Variants in ADAMTS16 observed in about 807,000 individuals in gnomAD.
The protein encoded by ADAMTS16 is A disintegrin and metalloproteinase with thrombospondin motifs 16.
A neutral mutation model predicts 145.8 loss-of-function variants in ADAMTS16; 94 were observed. The observed-to-expected ratio is 0.64, with a 90% CI of 0.55 to 0.77. The LOEUF (loss-of-function observed/expected upper bound fraction) is 0.77. Ranked by LOEUF, ADAMTS16 falls within the 30% of genes least tolerant of loss-of-function variation. The probability of loss-of-function intolerance (pLI) is 0.00; values close to 1 mark genes in which losing one functional copy is unlikely to be tolerated. For synonymous variants in ADAMTS16, 659 were observed against 604.3 expected (o/e 1.09, Z -1.33); for missense variants, 1,585 against 1,591.5 (o/e 1.00, Z 0.07).
intron 18 of ADAMTS16, among the ~76,000 whole-genome samples, chr5:5,301,515 C>T (rs13188613): frequency 0.74 from 112,365 of 152,138 alleles, 41,918 homozygotes; most frequent in South Asian, 0.82. Flanking sequence ...GGGATCATAG[C>T]GGGATTTCCC....
intron 3 of ADAMTS16, among the ~76,000 whole-genome samples, chr5:5,169,872 C>A (rs1204735909): frequency 6.6e-6 from 1 of 152,146 alleles, no homozygotes; most frequent in East Asian, 1.9e-4. Flanking sequence ...TGTGTGTCAC[C>A]TCCTAATTTG....
intron 9 of ADAMTS16, among the ~76,000 whole-genome samples, chr5:5,207,151 C>T (rs1579310901): frequency 6.6e-6 from 1 of 152,294 alleles, no homozygotes; most frequent in East Asian, 1.9e-4. Context: ...GAACTAATCT[C>T]CTGACAAGAT....
intron 21 of ADAMTS16, among the ~76,000 whole-genome samples, chr5:5,315,054 A>T (rs1348966875): frequency 2.0e-5 from 3 of 152,076 alleles, no homozygotes; most frequent in Non-Finnish European, 4.4e-5. Flanking sequence ...GGTTTAATTG[A>T]CTCACAGTTC....
chr5:5,174,413 T>A (rs1262338871), intron 3 of ADAMTS16, among the ~76,000 whole-genome samples: 1 of 152,134 alleles, frequency 6.6e-6, no homozygotes, highest in Admixed American at 6.5e-5. Flanking sequence ...AGTTTGTTTA[T>A]TAAGTGCTTT....
intron 3 of ADAMTS16, among the ~76,000 whole-genome samples, chr5:5,164,191 C>T (rs1043693706): frequency 3.9e-5 from 6 of 152,242 alleles, no homozygotes; most frequent in East Asian, 3.9e-4. Context: ...GTTGTATGCC[C>T]GCAGCTGGGA....
At chr5:5,311,537 T>G (rs1740440295) in intron 21 of ADAMTS16, among the ~76,000 whole-genome samples, 1 of 136,748 alleles carries the variant, frequency 7.3e-6, no homozygotes, top group Admixed American at 8.4e-5. Context: ...TGCTGTGTAT[T>G]AGTCTGCTCC....
At chr5:5,212,478 A>G (rs531910495) in intron 10 of ADAMTS16, among the ~76,000 whole-genome samples, 1 of 152,134 alleles carries the variant, frequency 6.6e-6, no homozygotes, top group African/African-American at 2.4e-5. Flanking sequence ...AAGCTTCATA[A>G]TTCGGTGCAC....
At chr5:5,299,655 C>G (rs376781897) in intron 18 of ADAMTS16, among the ~76,000 whole-genome samples, 3 of 152,270 alleles carry the variant, frequency 2.0e-5, no homozygotes, top group East Asian at 1.9e-4. Context: ...AACCCTGTCA[C>G]TTTCTGGGTA....
chr5:5,242,800 T>G (rs1737333158), intron 17 of ADAMTS16, among the ~76,000 whole-genome samples: 1 of 152,234 alleles, frequency 6.6e-6, no homozygotes, highest in Admixed American at 6.5e-5. Context: ...CTACTTCCAC[T>G]TAAAGGAAGT....
chr5:5,140,625 C>G (rs1197494997), intron 1 of ADAMTS16, 39 bp from the exon 2 acceptor site: 8 of 1,529,150 alleles, frequency 5.2e-6, no homozygotes, highest in South Asian at 2.4e-5. Flanking sequence ...TCCCGCGGAC[C>G]CCGCCGTCTC....
intron 17 of ADAMTS16, among the ~76,000 whole-genome samples, chr5:5,256,946 A>G (rs1264116796): frequency 6.6e-6 from 1 of 152,244 alleles, no homozygotes; most frequent in Non-Finnish European, 1.5e-5. Flanking sequence ...GACTTCTAAC[A>G]GTTTTAGAAA....
rs571562288 is a variant in ADAMTS16, at chr5:5,225,269, C to T, written c.1701+2385C>T. 3.9e-5 allele frequency among the ~76,000 whole-genome samples: 6 copies of T among 152,270 alleles called. No homozygotes were observed. The East Asian group carries it at 7.7e-4, about 20-fold the overall frequency. ...AAAATCACAGGAGGACCTGTGATCC[C>T]TGCTCTTTCCAAAGAGGACTTTAAT... is the stretch of plus-strand genomic sequence containing the variant. On this transcript the variant is annotated intron_variant, in intron 11 of 22. Coordinates refer to ENST00000274181, the MANE Select transcript of ADAMTS16 (RefSeq NM_139056.4).
At chr5:5,235,444 A>G (rs1737078375) in intron 13 of ADAMTS16, among the ~76,000 whole-genome samples, 1 of 139,406 alleles carries the variant, frequency 7.2e-6, no homozygotes, top group Non-Finnish European at 1.6e-5. Flanking sequence ...GAAACTCATC[A>G]AAGAAGTGAT....
chr5:5,265,739 C>T (rs1157048899), intron 18 of ADAMTS16, among the ~76,000 whole-genome samples: 1 of 152,176 alleles, frequency 6.6e-6, no homozygotes, highest in Non-Finnish European at 1.5e-5. Context: ...CCAACTTGAC[C>T]TCACACCCCC....
chr5:5,306,718 C>T lies in ADAMTS16; in HGVS notation c.3401C>T (p.Pro1134Leu). Residue 1134 changes from proline to leucine, a missense_variant, in exon 21 of 23, where the codon CCC (proline) becomes CTC (leucine). Pro to Leu is a moderately conservative substitution (Grantham distance 98). Transcript: ENST00000274181. ...GPSRGSWFAS[P>L]WSQCTASCGG... ...TCGAGGGGCAGCTGGTTTGCCTCAC[C>T]CTGGTCTCAGGTAGGGGAGGCCCTC... The T allele has an allele frequency of 6.2e-7, 1 of 1,609,056 alleles. No homozygotes were observed. The highest frequency in any genetic ancestry group is 2.2e-5 in the East Asian group (1 of 44,714).
Position 5,320,152 on chromosome 5 carries a change from G to A in ADAMTS16, c.*1014G>A. Reference sequence around the variant, plus strand: ...GTGGGAAGCCAGGCTGCGGGTGTTAGGGTGGGAATCTGCCCGGCGTCTCTG... The same window carrying A: ...GTGGGAAGCCAGGCTGCGGGTGTTAAGGTGGGAATCTGCCCGGCGTCTCTG... On this transcript the variant is annotated 3_prime_UTR_variant, in exon 23 of 23. Coordinates refer to ENST00000274181, the MANE Select transcript of ADAMTS16 (RefSeq NM_139056.4). The surrounding 1 kb of genome is among the most constrained non-coding windows in gnomAD (Gnocchi z 5.1). 1 of 315,348 alleles carries A rather than the reference G, an allele frequency of 3.2e-6. No homozygotes were observed. The highest frequency in any genetic ancestry group is 6.0e-6 in the Non-Finnish European group (1 of 167,534). The allele number at this position is 315,348 out of a possible 1,614,324, so 19.5% of individuals were successfully genotyped here. A position where few individuals can be genotyped will look rare whatever the true frequency, so the allele number is the denominator to read the frequency against.
In ADAMTS16 at chr5:5,191,695, C is replaced by A. The variant is rs1434438838; in HGVS notation, c.1218C>A (p.Pro406=). Residue 406 remains proline, a synonymous_variant, in exon 8 of 23, where the codon CCC becomes CCA. Transcript: ENST00000274181. ...NEPCDTLGFA[P]ISGMCSKYRS... is the part of the protein sequence containing the mutation. ...CTTTGTCCTTCACAGGATTTGCACC[C>A]ATAAGTGGAATGTGTAGTAAATATC... 2 of 1,613,070 alleles carry A rather than the reference C, an allele frequency of 1.2e-6. No homozygotes were observed. The highest frequency in any genetic ancestry group is 1.3e-5 in the African/African-American group (1 of 74,996).
chr5:5,219,164 G>A (rs868614722), intron 10 of ADAMTS16, among the ~76,000 whole-genome samples: 22 of 151,606 alleles, frequency 1.5e-4, no homozygotes, highest in South Asian at 4.2e-4. Flanking sequence ...CAATACAGGC[G>A]TACAATGTGT....
At chr5:5,239,546 A>G in intron 15 of ADAMTS16, 135 bp from the exon 16 acceptor site, 1 of 1,332,784 alleles carries the variant, frequency 7.5e-7, no homozygotes, top group East Asian at 2.3e-5. Context: ...AAGGCAACTG[A>G]TCACCAGAAC....
Sources: allele counts gnomAD v4.1 joint callset (sites outside exome capture counted in the v4.1 genomes callset), GRCh38; gene constraint gnomAD v4.1.1; non-coding constraint Gnocchi (gnomAD v3.1); transcripts MANE v1.5; gene names NCBI Gene and HGNC (gene_info 2026-07-23, HGNC 2026-07-21).